The following EEA1 variants were observed in gnomAD, a reference collection of about 807,000 sequenced individuals.
EEA1 encodes the protein early endosome antigen 1, 162kD.
Under a neutral mutation model 209.2 loss-of-function variants are expected in EEA1, and 111 were observed. That is an observed-to-expected ratio of 0.53 (90% CI 0.45 to 0.62). The LOEUF is 0.62. EEA1 is among the 20% of genes least tolerant of loss of function. The pLI is 0.00. For synonymous variants in EEA1, 536 were observed against 540.6 expected (o/e 0.99, Z 0.12); for missense variants, 1,343 against 1,530.8 (o/e 0.88, Z 2.05).
intron 17 of EEA1, 111 bp downstream of exon 17, chr12:92,811,168 A>G (rs1875477649): frequency 4.0e-6 from 3 of 756,676 alleles, no homozygotes; most frequent in South Asian, 9.2e-5. Flanking sequence ...ATTTTATACC[A>G]CAACTTCACC....
chr12:92,791,946 A>T (rs918978716), intron 21 of EEA1, among the ~76,000 whole-genome samples: 1 of 152,254 alleles, frequency 6.6e-6, no homozygotes, highest in Non-Finnish European at 1.5e-5. Flanking sequence ...GTGCCATCAA[A>T]TTAGAATTCA....
chr12:92,786,096 T>C (rs1259338456), intron 22 of EEA1, among the ~76,000 whole-genome samples: 1 of 152,158 alleles, frequency 6.6e-6, no homozygotes, highest in African/African-American at 2.4e-5. Flanking sequence ...TCATCTCTTC[T>C]ATCATTTAAA....
At chr12:92,826,637 C>T (rs1876314170) in intron 12 of EEA1, among the ~76,000 whole-genome samples, 1 of 151,052 alleles carries the variant, frequency 6.6e-6, no homozygotes, top group Non-Finnish European at 1.5e-5. Context: ...ATCACTTGAA[C>T]CTGAAAGGCA....
rs1318804031 is a variant in EEA1 at position 92,832,811 on chromosome 12, T to C, written c.955A>G (p.Thr319Ala). The part of the protein sequence containing the change: ...ENLLKKEQDY[T>A]KLEEKHNEES... ...TCATTATGTTTCTCCTCTAACTTAGTATAGTCTTGTTCTTTTTTCAGCAAG... is the reference window on the plus strand; with the variant it reads ...TCATTATGTTTCTCCTCTAACTTAGCATAGTCTTGTTCTTTTTTCAGCAAG... The change falls in exon 11 of 29, where the codon ACT (threonine) becomes GCT (alanine). Residue 319 changes from threonine (T) to alanine (A), a missense_variant. Physicochemically the swap from Thr to Ala is moderately conservative, Grantham distance 58. Around this residue, in one of 3 missense-constraint regions of EEA1, gnomAD observed 1,307 missense variants for 1,465.5 expected, o/e 0.89. Transcript: ENST00000322349. 2 of 1,612,890 alleles carry C rather than the reference T, an allele frequency of 1.2e-6. No individual in the cohort carries two copies. The highest frequency in any genetic ancestry group is 1.1e-5 in the South Asian group (1 of 90,770).
chr12:92,848,624 T>C (rs931244629), intron 9 of EEA1, among the ~76,000 whole-genome samples: 9 of 151,852 alleles, frequency 5.9e-5, no homozygotes, highest in African/African-American at 2.2e-4. Context: ...AGAGTAACTC[T>C]TAAATATTAC....
chr12:92,904,204 G>C (rs1263896948), intron 1 of EEA1, among the ~76,000 whole-genome samples: 1 of 152,008 alleles, frequency 6.6e-6, no homozygotes, highest in Non-Finnish European at 1.5e-5. Flanking sequence ...CAGGTGATCT[G>C]CCAGCCTCAG....
At chr12:92,778,211 A>G (rs574377471) in intron 25 of EEA1, 32 bp from the exon 26 acceptor site, 2 of 1,549,844 alleles carry the variant, frequency 1.3e-6, no homozygotes, top group Admixed American at 3.5e-5. Flanking sequence ...GGGGAAATCT[A>G]TTACAAAAGT....
At chr12:92,856,794 CAG>C (rs1250590875) in intron 5 of EEA1, among the ~76,000 whole-genome samples, 1 of 90,432 alleles carries the variant, frequency 1.1e-5, no homozygotes, top group African/African-American at 4.7e-5. Flanking sequence ...TTTTTTGAGG[CAG>C]AGTCTTGCTC....
chr12:92,837,098 G>A (rs1172466083), intron 10 of EEA1, among the ~76,000 whole-genome samples: 1 of 141,728 alleles, frequency 7.1e-6, no homozygotes, highest in African/African-American at 2.6e-5. Flanking sequence ...TCCAGCCTAT[G>A]TGAAAAAGTG....
At chr12:92,802,019 C>T (rs1252685135) in intron 19 of EEA1, among the ~76,000 whole-genome samples, 1 of 151,956 alleles carries the variant, frequency 6.6e-6, no homozygotes. Flanking sequence ...TGCCACACTA[C>T]TTTTATAGCA....
At chr12:92,922,179 G>T (rs1881034812) in intron 1 of EEA1, among the ~76,000 whole-genome samples, 2 of 152,010 alleles carry the variant, frequency 1.3e-5, no homozygotes, top group South Asian at 4.1e-4. Flanking sequence ...ATTTTCTCCT[G>T]CCTACTGAAC....
At chr12:92,884,577 G>A (rs958789347) in intron 2 of EEA1, 2 of 1,477,902 alleles carry the variant, frequency 1.4e-6, no homozygotes, top group Non-Finnish European at 1.9e-6. Flanking sequence ...ATGAAGGGAG[G>A]AAACTTTGGA....
chr12:92,863,869 A>G (rs1878253364), intron 3 of EEA1, among the ~76,000 whole-genome samples: 1 of 152,256 alleles, frequency 6.6e-6, no homozygotes, highest in Non-Finnish European at 1.5e-5. Context: ...TTAAAAGTTC[A>G]TATACTGGAC....
At chr12:92,906,583 C>T (rs929196200) in intron 1 of EEA1, among the ~76,000 whole-genome samples, 1 of 152,130 alleles carries the variant, frequency 6.6e-6, no homozygotes, top group Non-Finnish European at 1.5e-5. Context: ...GAGGCCGAGG[C>T]GGGCGGATCA....
In EEA1 at chr12:92,771,258, G is replaced by T. The variant is rs1198074761; in HGVS notation, c.*4753C>A. 6.6e-6 allele frequency: 1 copy of T among 151,986 alleles called. No homozygotes were observed. The highest frequency in any genetic ancestry group is 1.5e-5 in the Non-Finnish European group (1 of 67,974). 9.4% of individuals were successfully genotyped at this position (151,986 alleles called of 1,614,324 possible). ...GAAAGTAGTAAATTTATCAAATTTG[G>T]CTGCAAGACAACTGAAGCCTTAGCT... On this transcript the variant is annotated 3_prime_UTR_variant, in exon 29 of 29. Transcript: ENST00000322349.
At chr12:92,809,759 G>T (rs1272290344) in intron 17 of EEA1, among the ~76,000 whole-genome samples, 1 of 151,404 alleles carries the variant, frequency 6.6e-6, no homozygotes, top group African/African-American at 2.4e-5. Context: ...AACATAAATA[G>T]TTATTATCTC....
At position 92,787,435 on chromosome 12, in the gene EEA1, C is replaced by T. The variant is rs534897246; in HGVS notation, c.3150+432G>A. On this transcript the variant is annotated intron_variant, in intron 22 of 28. Transcript: ENST00000322349. ...GGGTAAGTTTATTTTGAGCTATAATCTCCTAATTTTAATCATTAGGCAATC... is the reference window on the plus strand; with the variant it reads ...GGGTAAGTTTATTTTGAGCTATAATTTCCTAATTTTAATCATTAGGCAATC... Among the ~76,000 whole-genome samples, 7 of 152,178 alleles carry T rather than the reference C, an allele frequency of 4.6e-5. No homozygotes were observed. The South Asian group carries it at 1.4e-3, about 32-fold the overall frequency.
chr12:92,883,711 T>C (rs983805006), intron 2 of EEA1: 7 of 903,790 alleles, frequency 7.7e-6, no homozygotes, highest in Non-Finnish European at 1.2e-5. Context: ...CATCAGCTTG[T>C]TCTTTTCTGC....
At chr12:92,927,302 C>T (rs986234491) in intron 1 of EEA1, among the ~76,000 whole-genome samples, 2 of 152,184 alleles carry the variant, frequency 1.3e-5, no homozygotes, top group African/African-American at 4.8e-5. Context: ...ATTATCCAGT[C>T]ACAAATGCCA....
Sources: gnomAD v4.1 joint callset for allele counts (sites outside exome capture counted in the v4.1 genomes callset) on GRCh38, gnomAD v4.1.1 for gene constraint, gnomAD v4.1.1 regional missense constraint, MANE v1.5 for transcripts, NCBI Gene and HGNC (gene_info 2026-07-23, HGNC 2026-07-21) for gene names.